DLG2: variants seen among roughly 807,000 people sequenced by gnomAD.
DLG2 encodes the protein disks large homolog 2.
In DLG2, 45 loss-of-function variants were observed where a neutral mutation model predicts 132.5. The observed-to-expected ratio is 0.34, with a 90% confidence interval of 0.27 to 0.44. The LOEUF (loss-of-function observed/expected upper bound fraction) is 0.44, where lower values mean the gene tolerates loss of function less well. Among genes scored for constraint, DLG2 ranks in the 20% least tolerant of loss-of-function variants. The pLI is 1.00. For synonymous variants in DLG2, 424 were observed against 419.6 expected (o/e 1.01, Z -0.13); for missense variants, 1,045 against 1,196.9 (o/e 0.87, Z 1.87).
At chr11:83,904,767 G>A (rs866836824) in intron 15 of DLG2, among the ~76,000 whole-genome samples, 2 of 152,020 alleles carry the variant, frequency 1.3e-5, no homozygotes, top group African/African-American at 4.8e-5. Flanking sequence ...TACACTTGGG[G>A]TTCTTTTCCT....
chr11:85,249,882 C>T (rs918283724), intron 4 of DLG2, among the ~76,000 whole-genome samples: 7 of 151,886 alleles, frequency 4.6e-5, no homozygotes, highest in African/African-American at 1.7e-4. Context: ...TCTTTTATTT[C>T]GGGAAGAATG....
intron 6 of DLG2, among the ~76,000 whole-genome samples, chr11:84,699,158 G>C (rs1193443840): frequency 1.3e-5 from 2 of 151,484 alleles, no homozygotes; most frequent in Admixed American, 6.6e-5. Flanking sequence ...TCTTGGAAAA[G>C]TGCAAATGGA....
At chr11:83,982,269 A>G (rs1268524641) in intron 11 of DLG2, among the ~76,000 whole-genome samples, 1 of 151,948 alleles carries the variant, frequency 6.6e-6, no homozygotes, top group Admixed American at 6.6e-5. Flanking sequence ...GCCTCAAGCA[A>G]CTCTTTCAGG....
chr11:83,537,822 AAAAAAAAAAAAAAGAGAG>A (rs1213536757), intron 20 of DLG2, among the ~76,000 whole-genome samples: 1 of 144,192 alleles, frequency 6.9e-6, no homozygotes, highest in African/African-American at 2.7e-5. Flanking sequence ...AAAAAAAAAA[AAAAAAAAAAAAAAGAGAG>A]AGAGAGATAC....
At chr11:84,397,566 T>C (rs1266501066) in intron 7 of DLG2, among the ~76,000 whole-genome samples, 1 of 152,160 alleles carries the variant, frequency 6.6e-6, no homozygotes, top group African/African-American at 2.4e-5. Context: ...TTTTTGGCAA[T>C]CTTAGAAGTC....
At chr11:84,169,450 T>A (rs1447220348) in intron 8 of DLG2, among the ~76,000 whole-genome samples, 2 of 152,212 alleles carry the variant, frequency 1.3e-5, no homozygotes, top group African/African-American at 4.8e-5. Flanking sequence ...CAAACTTGTC[T>A]TTTTCTATAT....
chr11:83,703,782 C>CTAA (rs1426801493), intron 18 of DLG2, among the ~76,000 whole-genome samples: 1 of 152,166 alleles, frequency 6.6e-6, no homozygotes, highest in Non-Finnish European at 1.5e-5. Context: ...ACAAGCTAAC[C>CTAA]TAATACTCAT....
At chr11:83,983,475 A>G (rs182645863) in intron 11 of DLG2, among the ~76,000 whole-genome samples, 192 of 152,204 alleles carry the variant, frequency 1.3e-3, no homozygotes, top group African/African-American at 4.4e-3. Context: ...CTTTTATTGA[A>G]TAAATATTGG....
At position 85,004,768 on chromosome 11, in the gene DLG2, G is replaced by T. The variant is rs547945224; in HGVS notation, c.357+106893C>A. ...GTCCATTTTGGCTTTTATTGCCATTGCTTGTGGTGCTTCAGTCATGAAATC... is the reference window on the plus strand; with the variant it reads ...GTCCATTTTGGCTTTTATTGCCATTTCTTGTGGTGCTTCAGTCATGAAATC... On this transcript the variant is annotated intron_variant, in intron 6 of 27. Coordinates refer to ENST00000376104, the MANE Select transcript of DLG2 (RefSeq NM_001142699.3). Among the ~76,000 whole-genome samples the T allele has an allele frequency of 3.9e-5, 6 of 152,118 alleles. No individual in the cohort carries two copies. The East Asian group carries it at 1.2e-3, about 29-fold the overall frequency.
chr11:84,958,560 A>G (rs1180943400), intron 6 of DLG2, among the ~76,000 whole-genome samples: 4 of 152,196 alleles, frequency 2.6e-5, no homozygotes, highest in Non-Finnish European at 5.9e-5. Flanking sequence ...TTCAATCACC[A>G]TTATTTCCAG....
intron 3 of DLG2, among the ~76,000 whole-genome samples, chr11:85,333,588 T>G (rs1019679177): frequency 6.6e-6 from 1 of 152,162 alleles, no homozygotes; most frequent in Non-Finnish European, 1.5e-5. Flanking sequence ...AGGCTCTTAT[T>G]CTGAGGTATG....
intron 7 of DLG2, among the ~76,000 whole-genome samples, chr11:84,455,944 A>C (rs1455866087): frequency 6.6e-6 from 1 of 151,300 alleles, no homozygotes; most frequent in Non-Finnish European, 1.5e-5. Context: ...AGATCTTTCC[A>C]GCACATCCAT....
intron 9 of DLG2, among the ~76,000 whole-genome samples, chr11:84,111,738 G>C (rs2093359363): frequency 6.6e-6 from 1 of 152,164 alleles, no homozygotes; most frequent in Non-Finnish European, 1.5e-5. Flanking sequence ...TACAGTTCTT[G>C]TTCTCAAGGA....
intron 4 of DLG2, among the ~76,000 whole-genome samples, chr11:85,252,689 A>C (rs921570299): frequency 1.3e-5 from 2 of 152,248 alleles, no homozygotes; most frequent in African/African-American, 4.8e-5. Flanking sequence ...ATACTTACCT[A>C]ATAAATATAA....
chr11:84,555,847 G>T (rs558698505), intron 6 of DLG2, among the ~76,000 whole-genome samples: 1 of 152,294 alleles, frequency 6.6e-6, no homozygotes, highest in East Asian at 1.9e-4. Context: ...GCTTACTCTA[G>T]CTGCCAAAGG....
At chr11:84,174,832 C>T (rs2095913118) in intron 8 of DLG2, among the ~76,000 whole-genome samples, 1 of 152,224 alleles carries the variant, frequency 6.6e-6, no homozygotes, top group African/African-American at 2.4e-5. Context: ...ATTACTACTA[C>T]TGCAGCTACT....
chr11:83,694,570 T>A (rs2081555426), intron 18 of DLG2, among the ~76,000 whole-genome samples: 2 of 152,172 alleles, frequency 1.3e-5, no homozygotes. Flanking sequence ...GAAAAAAGAA[T>A]CTTAATTTCC....
chr11:85,499,466 C>T (rs898393275), intron 3 of DLG2, among the ~76,000 whole-genome samples: 1 of 151,878 alleles, frequency 6.6e-6, no homozygotes. Context: ...GCCTACCAAC[C>T]AAAAAAAGTC....
chr11:85,109,060 GA>G (rs35526673), intron 6 of DLG2, among the ~76,000 whole-genome samples: 100,113 of 151,570 alleles, frequency 0.66, 33,943 homozygotes, highest in East Asian at 0.93. Context: ...AAATTCCCAG[GA>G]AAAAAAAATT....
Sources: allele counts gnomAD v4.1 joint callset (sites outside exome capture counted in the v4.1 genomes callset), GRCh38; gene constraint gnomAD v4.1.1; transcripts MANE v1.5; gene names NCBI Gene and HGNC (gene_info 2026-07-23, HGNC 2026-07-21).